The following MUC21 variants were observed in gnomAD, a reference collection of about 807,000 sequenced individuals.
MUC21 encodes the protein mucin-21.
A neutral mutation model predicts 9.1 loss-of-function variants in MUC21; 8 were observed. The ratio of observed to expected loss-of-function variants is 0.88; its 90% confidence interval spans 0.52 to 1.59. MUC21 has a LOEUF of 1.59. Among genes scored for constraint, MUC21 ranks in the 40% most tolerant of loss-of-function variants. The pLI is 0.00. For synonymous variants in MUC21, 189 were observed against 275.2 expected (o/e 0.69, Z 3.10); for missense variants, 478 against 694.2 (o/e 0.69, Z 3.50).
intron 1 of MUC21, 156 bp from the exon 2 acceptor site, chr6:30,986,081 A>G: frequency 1.3e-6 from 1 of 777,864 alleles, no homozygotes; most frequent in Non-Finnish European, 2.0e-6. Context: ...CAACATTTTG[A>G]AGCCTCAATT....
In MUC21 at chr6:30,986,358, C is replaced by T. The variant is rs1762249070; in HGVS notation, c.183C>T (p.Thr61=). ...SVTSSGVSTA[T]ISGSSVTSNG... ...CCTCCAGTGGGGTCAGCACAGCCAC[C>T]ATCTCAGGGTCCAGCGTGACCTCCA... Residue 61 remains threonine, a synonymous_variant, in exon 2 of 3, where the codon ACC becomes ACT. Transcript: ENST00000376296. 4 of 1,611,862 alleles carry T rather than the reference C, an allele frequency of 2.5e-6. No individual in the cohort carries two copies. In the East Asian group the frequency reaches 9.0e-5, roughly 36 times the overall value.
At chr6:30,986,158 T>C (rs1266209811) in intron 1 of MUC21, 79 bp from the exon 2 acceptor site, 1 of 1,215,006 alleles carries the variant, frequency 8.2e-7, no homozygotes, top group African/African-American at 1.5e-5. Flanking sequence ...TTAAATAAAA[T>C]TATGTAATGA....
intron 1 of MUC21, 196 bp downstream of exon 1, chr6:30,984,215 C>G: frequency 1.9e-6 from 1 of 527,352 alleles, no homozygotes; most frequent in Non-Finnish European, 3.4e-6. Flanking sequence ...GCTCTGGTCT[C>G]ACATTGCCTA....
chr6:30,986,395 A>G lies in MUC21; in HGVS notation c.220A>G (p.Ile74Val), dbSNP rs1390293594. ...CAGCGTGACCTCCAATGGGGTCAGC[A>G]TAGTCACCAACTCTGAGTTCCATAC... ...GSSVTSNGVS[I>V]VTNSEFHTTS... is the part of the protein sequence containing the mutation. Residue 74 changes from isoleucine to valine, a missense_variant, in exon 2 of 3, where the codon ATA becomes GTA. Physicochemically the swap from Ile to Val is conservative, Grantham distance 29. Coordinates refer to ENST00000376296, the MANE Select transcript of MUC21 (RefSeq NM_001010909.5). 1.2e-6 allele frequency: 2 copies of G among 1,612,818 alleles called. No homozygotes were observed. Among genetic ancestry groups the G allele is most frequent in the Non-Finnish European group, 1.7e-6 (2 of 1,179,416 alleles).
intron 1 of MUC21, 52 bp from the exon 2 acceptor site, chr6:30,986,185 A>T: frequency 6.8e-7 from 1 of 1,472,026 alleles, no homozygotes; most frequent in South Asian, 1.3e-5. Flanking sequence ...CCAAGCAATA[A>T]GCAGAAAGTA....
chr6:30,988,261 C>T lies in MUC21; in HGVS notation c.*67C>T. On this transcript the variant is annotated 3_prime_UTR_variant, in exon 3 of 3. Transcript: ENST00000376296. Reference sequence around the variant, plus strand: ...GACCTGGGCACCCAAGACCTGGTTTCCTTTCATTCATCCCAGGAGACCCCT... The same window carrying T: ...GACCTGGGCACCCAAGACCTGGTTTTCTTTCATTCATCCCAGGAGACCCCT... 6.9e-7 allele frequency: 1 copy of T among 1,456,904 alleles called. No homozygotes were observed. Among genetic ancestry groups the T allele is most frequent in the Non-Finnish European group, 9.2e-7 (1 of 1,088,402 alleles). 90.2% of individuals were successfully genotyped at this position (1,456,904 alleles called of 1,614,324 possible). A position where few individuals can be genotyped will look rare whatever the true frequency, so the allele number is the denominator to read the frequency against.
intron 1 of MUC21, 23 bp downstream of exon 1, chr6:30,984,042 G>A (rs1762150378): frequency 6.4e-6 from 5 of 779,412 alleles, no homozygotes; most frequent in Admixed American, 1.7e-5. Context: ...ATTTAAAATC[G>A]GGTGGTCTGA....
Position 30,988,342 on chromosome 6 carries a change from G to C in MUC21, c.*148G>C, listed in dbSNP as rs1300459593. On this transcript the variant is annotated 3_prime_UTR_variant, in exon 3 of 3. Transcript: ENST00000376296. ...GAAGAAGGTATTCCTCACCTTTCTT[G>C]CCTTTACCAGACACTGGAAAGAGAA... 4.5e-6 allele frequency: 3 copies of C among 671,960 alleles called. No homozygotes were observed. Among genetic ancestry groups the C allele is most frequent in the Non-Finnish European group, 7.4e-6 (3 of 405,424 alleles). 41.6% of individuals were successfully genotyped at this position (671,960 alleles called of 1,614,324 possible).
Position 30,988,329 on chromosome 6 carries a change from C to T in MUC21, c.*135C>T. ...TCCTGAAAATCTTGAAGAAGGTATT[C>T]CTCACCTTTCTTGCCTTTACCAGAC... On this transcript the variant is annotated 3_prime_UTR_variant, in exon 3 of 3. Transcript: ENST00000376296. The T allele has an allele frequency of 1.3e-6, 1 of 763,360 alleles. No homozygotes were observed. 47.3% of individuals were successfully genotyped at this position (763,360 alleles called of 1,614,324 possible).
chr6:30,983,828 G>A lies in MUC21; in HGVS notation c.-131G>A, dbSNP rs962723404. The stretch of plus-strand genomic sequence containing the variant: ...AGGAACACAAACGTAGGAGACCCAC[G>A]CTCCTGGAAGCACCAGCCTTTATCT... On this transcript the variant is annotated 5_prime_UTR_variant, in exon 1 of 3. Coordinates refer to ENST00000376296, the MANE Select transcript of MUC21 (RefSeq NM_001010909.5). 12 of 592,308 alleles carry A rather than the reference G, an allele frequency of 2.0e-5. No individual in the cohort carries two copies. Among genetic ancestry groups the A allele is most frequent in the Middle Eastern group, 2.6e-4 (1 of 3,784 alleles). The allele number at this position is 592,308 out of a possible 1,614,324, so 36.7% of individuals were successfully genotyped here.
Position 30,986,437 on chromosome 6 carries a change from A to C in MUC21, c.262A>C (p.Ser88Arg). The C allele has an allele frequency of 6.3e-7, 1 of 1,598,252 alleles. No individual in the cohort carries two copies. Among genetic ancestry groups the C allele is most frequent in the Non-Finnish European group, 8.6e-7 (1 of 1,168,010 alleles). ...GTTCCATACAACCTCCAGTGGGATC[A>C]GCACAGCCACCAACTCTGAGTTCAG... The part of the protein sequence containing the change: ...SEFHTTSSGI[S>R]TATNSEFSTV... The change falls in exon 2 of 3, where the codon AGC becomes CGC. Residue 88 changes from serine (S) to arginine (R), a missense_variant. By Grantham distance (110) the Ser-to-Arg change is moderately radical. Around this residue, in one of 5 missense-constraint regions of MUC21, gnomAD observed 110 missense variants for 108.3 expected, o/e 1.02. Transcript: ENST00000376296.
intron 2 of MUC21, among the ~76,000 whole-genome samples, 157 bp from the exon 3 acceptor site, chr6:30,987,843 C>A (rs1289018003): frequency 6.6e-6 from 1 of 152,066 alleles, no homozygotes; most frequent in Non-Finnish European, 1.5e-5. Flanking sequence ...GAGGAAGCTG[C>A]TGACCTGCGG....
intron 2 of MUC21, 114 bp from the exon 3 acceptor site, chr6:30,987,886 G>A (rs1762452370): frequency 9.3e-7 from 1 of 1,076,088 alleles, no homozygotes; most frequent in East Asian, 2.5e-5. Context: ...CTGGAGAAAG[G>A]AGAACTAGGT....
chr6:30,988,215 C>T lies in MUC21; in HGVS notation c.*21C>T, dbSNP rs779701684. ...CCTGAGCAGCCCCGGAAGCAAGTGC[C>T]GCATTCTTCAGGAAGGAAGAGACCT... On this transcript the variant is annotated 3_prime_UTR_variant, in exon 3 of 3. Transcript: ENST00000376296. 1.1e-5 allele frequency: 18 copies of T among 1,598,948 alleles called. No homozygotes were observed. Among genetic ancestry groups the T allele is most frequent in the East Asian group, 2.2e-5 (1 of 44,688 alleles).
In MUC21 at chr6:30,989,774, T is replaced by C. The variant is rs1000175654; in HGVS notation, c.*1580T>C. The C allele has an allele frequency of 1.3e-5, 2 of 152,282 alleles. No homozygotes were observed. The highest frequency in any genetic ancestry group is 2.9e-5 in the Non-Finnish European group (2 of 68,054). The allele number at this position is 152,282 out of a possible 1,614,324, so 9.4% of individuals were successfully genotyped here. On this transcript the variant is annotated 3_prime_UTR_variant, in exon 3 of 3. Coordinates refer to ENST00000376296, the MANE Select transcript of MUC21 (RefSeq NM_001010909.5). ...AGTCTGTGATGTGACCAGTTGCACA[T>C]GTTTTCCCCTAAAAGCTTACTCTAG...
Position 30,986,493 on chromosome 6 carries a change from C to G in MUC21, c.318C>G (p.Thr106=), listed in dbSNP as rs753932532. Residue 106 remains threonine, a synonymous_variant, in exon 2 of 3, where the codon ACC becomes ACG. Transcript: ENST00000376296. ...TGTCCAGTGGGATCAGCATAGCCAC[C>G]AACTCTGAGTCCAGCACAACCTCCA... ...STVSSGISIA[T]NSESSTTSSG... 7.6e-6 allele frequency: 12 copies of G among 1,581,008 alleles called. No individual in the cohort carries two copies. In the African/African-American group the frequency reaches 1.6e-4, roughly 22 times the overall value.
At chr6:30,984,051 G>C (rs1289117371) in intron 1 of MUC21, 32 bp downstream of exon 1, 4 of 779,170 alleles carry the variant, frequency 5.1e-6, no homozygotes, top group Non-Finnish European at 7.2e-6. Context: ...CGGGTGGTCT[G>C]AGAACCTTTG....
Position 30,988,351 on chromosome 6 carries a change from A to G in MUC21, c.*157A>G. 1 of 639,034 alleles carries G rather than the reference A, an allele frequency of 1.6e-6. No homozygotes were observed. The allele number at this position is 639,034 out of a possible 1,614,324, so 39.6% of individuals were successfully genotyped here. A position where few individuals can be genotyped will look rare whatever the true frequency, so the allele number is the denominator to read the frequency against. On this transcript the variant is annotated 3_prime_UTR_variant, in exon 3 of 3. Coordinates refer to ENST00000376296, the MANE Select transcript of MUC21 (RefSeq NM_001010909.5). ...ATTCCTCACCTTTCTTGCCTTTACC[A>G]GACACTGGAAAGAGAATACTATATT...
chr6:30,989,507 G>A lies in MUC21; in HGVS notation c.*1313G>A, dbSNP rs1393905135. On this transcript the variant is annotated 3_prime_UTR_variant, in exon 3 of 3. Transcript: ENST00000376296. ...TTTTAGAATTTTTTGTAGGGACAGGGCCTCACTCTGTTGCACAAGCTGGTC... is the reference window on the plus strand; with the variant it reads ...TTTTAGAATTTTTTGTAGGGACAGGACCTCACTCTGTTGCACAAGCTGGTC... 2.6e-5 allele frequency: 4 copies of A among 152,148 alleles called. No individual in the cohort carries two copies. The East Asian group carries it at 5.8e-4, about 22-fold the overall frequency. 9.4% of individuals were successfully genotyped at this position (152,148 alleles called of 1,614,324 possible).
Sources: gnomAD v4.1 joint callset for allele counts (sites outside exome capture counted in the v4.1 genomes callset) on GRCh38, gnomAD v4.1.1 for gene constraint, gnomAD v4.1.1 regional missense constraint, MANE v1.5 for transcripts, NCBI Gene and HGNC (gene_info 2026-07-23, HGNC 2026-07-21) for gene names.